Variants in TMEM163 observed in about 807,000 individuals in gnomAD.
TMEM163 encodes transmembrane protein 163.
In TMEM163, 17 loss-of-function variants were observed where a neutral mutation model predicts 29.3. The ratio of observed to expected loss-of-function variants is 0.58; its 90% CI spans 0.40 to 0.87. TMEM163 has a LOEUF of 0.87. TMEM163 is among the 40% of genes least tolerant of loss of function. The probability of loss-of-function intolerance (pLI) is 0.00; values close to 1 mark genes in which losing one functional copy is unlikely to be tolerated. For synonymous variants in TMEM163, 157 were observed against 160.6 expected (o/e 0.98, Z 0.17); for missense variants, 303 against 381.5 (o/e 0.79, Z 1.71).
At chr2:134,620,534 G>A (rs1324347741) in intron 2 of TMEM163, among the ~76,000 whole-genome samples, 4 of 152,152 alleles carry the variant, frequency 2.6e-5, no homozygotes, top group Non-Finnish European at 5.9e-5. Context: ...TGGGATTACA[G>A]GGGTGAGGCA....
At chr2:134,563,987 G>T (rs1208373735) in intron 2 of TMEM163, among the ~76,000 whole-genome samples, 2 of 152,150 alleles carry the variant, frequency 1.3e-5, no homozygotes, top group African/African-American at 4.8e-5. Context: ...GGAGGCGGAG[G>T]TTGCAGTGAG....
At chr2:134,530,828 C>T (rs1178098185) in intron 4 of TMEM163, among the ~76,000 whole-genome samples, 2 of 152,128 alleles carry the variant, frequency 1.3e-5, no homozygotes, top group Admixed American at 6.5e-5. Flanking sequence ...AATATATTTT[C>T]GCCCACAATA....
chr2:134,713,139 A>C lies in TMEM163; in HGVS notation c.322+61T>G. 5.1e-6 allele frequency: 8 copies of C among 1,581,462 alleles called. No individual in the cohort carries two copies. In the Middle Eastern group the frequency reaches 8.0e-4, roughly 158 times the overall value. ...TAAAAGCAAAAGCACATCCCACAGGAATTAGAGAATAAAACGGGCAACAGC... is the reference window on the plus strand; with the variant it reads ...TAAAAGCAAAAGCACATCCCACAGGCATTAGAGAATAAAACGGGCAACAGC... On this transcript the variant is annotated intron_variant, in intron 2 of 7. Coordinates refer to ENST00000281924, the MANE Select transcript of TMEM163 (RefSeq NM_030923.5).
intron 2 of TMEM163, 38 bp from the exon 3 acceptor site, chr2:134,552,129 A>T: frequency 6.5e-7 from 1 of 1,545,542 alleles, no homozygotes; most frequent in Non-Finnish European, 8.9e-7. Flanking sequence ...ATATTTTAAA[A>T]CCTCTCTCAT....
At chr2:134,469,828 C>T (rs1312738809) in intron 5 of TMEM163, 1 of 152,428 alleles carries the variant, frequency 6.6e-6, no homozygotes, top group African/African-American at 2.4e-5. Flanking sequence ...GTGAGGGTCA[C>T]GTACAGGTCC....
At chr2:134,562,823 T>C (rs1357785187) in intron 2 of TMEM163, among the ~76,000 whole-genome samples, 1 of 151,972 alleles carries the variant, frequency 6.6e-6, no homozygotes, top group Non-Finnish European at 1.5e-5. Flanking sequence ...ATGAAAAAAC[T>C]AGAAAAAGAA....
intron 4 of TMEM163, among the ~76,000 whole-genome samples, chr2:134,543,348 T>C (rs983553683): frequency 7.2e-5 from 11 of 152,204 alleles, no homozygotes; most frequent in African/African-American, 2.2e-4. Flanking sequence ...TCATCAGCCA[T>C]CGAGGGCATC....
chr2:134,461,624 A>T (rs1363268175), intron 6 of TMEM163, among the ~76,000 whole-genome samples: 1 of 152,204 alleles, frequency 6.6e-6, no homozygotes, highest in South Asian at 2.1e-4. Flanking sequence ...ATCAGACCAG[A>T]TTCACTGCAC....
chr2:134,611,909 T>G (rs1021010748), intron 2 of TMEM163, among the ~76,000 whole-genome samples: 1 of 152,210 alleles, frequency 6.6e-6, no homozygotes, highest in Non-Finnish European at 1.5e-5. Context: ...GCCACAATGA[T>G]AGGCCTGTAA....
chr2:134,645,153 C>G (rs1411341669), intron 2 of TMEM163, among the ~76,000 whole-genome samples: 1 of 152,210 alleles, frequency 6.6e-6, no homozygotes, highest in East Asian at 1.9e-4. Flanking sequence ...AACTCTTATA[C>G]ATCGCTGGTA....
intron 2 of TMEM163, among the ~76,000 whole-genome samples, chr2:134,646,866 A>T (rs1683347557): frequency 6.6e-6 from 1 of 152,240 alleles, no homozygotes; most frequent in African/African-American, 2.4e-5. Context: ...ACCACAGGAT[A>T]AGTCATATTC....
chr2:134,601,970 C>G (rs1682246409), intron 2 of TMEM163, among the ~76,000 whole-genome samples: 1 of 152,250 alleles, frequency 6.6e-6, no homozygotes, highest in South Asian at 2.1e-4. Flanking sequence ...GAAGAGGGAA[C>G]AGCTTGAACA....
At chr2:134,595,780 G>T (rs928745132) in intron 2 of TMEM163, among the ~76,000 whole-genome samples, 2 of 152,188 alleles carry the variant, frequency 1.3e-5, no homozygotes, top group African/African-American at 4.8e-5. Flanking sequence ...AGCACCTGTT[G>T]TTTCCTGACT....
chr2:134,687,800 T>G (rs970608677), intron 2 of TMEM163, among the ~76,000 whole-genome samples: 3 of 152,202 alleles, frequency 2.0e-5, no homozygotes, highest in African/African-American at 7.2e-5. Flanking sequence ...TGTTTAACTC[T>G]ATGCAAGGCA....
chr2:134,658,771 A>G (rs59040841), intron 2 of TMEM163, among the ~76,000 whole-genome samples: 22,754 of 151,942 alleles, frequency 0.15, 2,516 homozygotes, highest in African/African-American at 0.31. Flanking sequence ...CTAATTTTGT[A>G]TATTTTTAGT....
At chr2:134,689,270 G>A (rs1250714310) in intron 2 of TMEM163, among the ~76,000 whole-genome samples, 5 of 151,902 alleles carry the variant, frequency 3.3e-5, no homozygotes, top group South Asian at 2.1e-4. Flanking sequence ...CACCACGCCT[G>A]GCTAAGTTTG....
chr2:134,543,034 A>G (rs1035440282), intron 4 of TMEM163, among the ~76,000 whole-genome samples: 8 of 152,194 alleles, frequency 5.3e-5, no homozygotes, highest in Non-Finnish European at 1.2e-4. Flanking sequence ...TTACATCTGC[A>G]AAGACCCTGT....
intron 2 of TMEM163, among the ~76,000 whole-genome samples, chr2:134,650,004 T>TAAAA (rs1319130397): frequency 1.2e-4 from 12 of 97,534 alleles, no homozygotes; most frequent in East Asian, 2.6e-4. Context: ...GACCCTGTCT[T>TAAAA]AAAAAAAAAA....
At chr2:134,680,984 AG>A (rs1276338014) in intron 2 of TMEM163, among the ~76,000 whole-genome samples, 1 of 152,244 alleles carries the variant, frequency 6.6e-6, no homozygotes, top group Non-Finnish European at 1.5e-5. Context: ...GAATAAAAGT[AG>A]TTCAATAGCA....
Sources: gnomAD v4.1 joint callset for allele counts (sites outside exome capture counted in the v4.1 genomes callset) on GRCh38, gnomAD v4.1.1 for gene constraint, MANE v1.5 for transcripts, NCBI Gene and HGNC (gene_info 2026-07-23, HGNC 2026-07-21) for gene names.